RPS6KA2: variants seen among roughly 807,000 people sequenced by gnomAD.
RPS6KA2 encodes the protein ribosomal protein S6 kinase alpha-2.
A neutral mutation model predicts 91.8 loss-of-function variants in RPS6KA2; 42 were observed. The ratio of observed to expected loss-of-function variants is 0.46; its 90% CI spans 0.36 to 0.59. The LOEUF (loss-of-function observed/expected upper bound fraction) is 0.59, where lower values mean the gene tolerates loss of function less well. Among genes scored for constraint, RPS6KA2 ranks in the 20% least tolerant of loss-of-function variants. The pLI is 0.00. For missense variants in RPS6KA2, 798 were observed against 978.5 expected (o/e 0.82, Z 2.46); for synonymous variants, 414 against 393.6 (o/e 1.05, Z -0.61).
Position 166,419,244 on chromosome 6 carries a change from G to A in RPS6KA2, c.1820+638C>T, listed in dbSNP as rs2128439709. On this transcript the variant is annotated intron_variant, in intron 18 of 20. Coordinates refer to ENST00000265678, the MANE Select transcript of RPS6KA2 (RefSeq NM_021135.6). The surrounding 1 kb of genome is among the most constrained non-coding windows in gnomAD (Gnocchi z 5.6). ...ATTCAAGTATTTAATAAACGTAATA[G>A]GAACCAGCGGATCTTGTAAGATCCT... Among the ~76,000 whole-genome samples the A allele has an allele frequency of 6.6e-6, 1 of 152,312 alleles. No homozygotes were observed. Among genetic ancestry groups the A allele is most frequent in the Non-Finnish European group, 1.5e-5 (1 of 68,028 alleles).
At chr6:166,673,097 G>C (rs1425600301) in intron 2 of RPS6KA2, among the ~76,000 whole-genome samples, 1 of 152,072 alleles carries the variant, frequency 6.6e-6, no homozygotes, top group Non-Finnish European at 1.5e-5. Context: ...CACACTCACT[G>C]TAAAGGGAGA....
At chr6:166,678,563 C>T (rs772125242) in intron 2 of RPS6KA2, among the ~76,000 whole-genome samples, 21 of 152,342 alleles carry the variant, frequency 1.4e-4, no homozygotes, top group South Asian at 8.3e-4. Flanking sequence ...AATAAGGCTT[C>T]CACTCTGCAT....
At chr6:166,578,191 G>C (rs952693340) in intron 1 of RPS6KA2, among the ~76,000 whole-genome samples, 1 of 152,162 alleles carries the variant, frequency 6.6e-6, no homozygotes, top group African/African-American at 2.4e-5. Context: ...TTGGAACCCA[G>C]GTTTCCTGAC....
At chr6:166,728,449 G>A (rs948763229) in intron 2 of RPS6KA2, among the ~76,000 whole-genome samples, 6 of 152,128 alleles carry the variant, frequency 3.9e-5, no homozygotes, top group Non-Finnish European at 8.8e-5. Context: ...TCACCCATGG[G>A]TACATGACAA....
chr6:166,480,516 A>ATATATATATATAT (rs1781174515), intron 10 of RPS6KA2, among the ~76,000 whole-genome samples: 1 of 75,616 alleles, frequency 1.3e-5, no homozygotes, highest in Non-Finnish European at 2.4e-5. Flanking sequence ...TATATATATA[A>ATATATATATATAT]TATATTTTTT....
At chr6:166,629,029 C>A (rs1786996180), upstream of RPS6KA2, among the ~76,000 whole-genome samples, 1 of 152,244 alleles carries the variant, frequency 6.6e-6, no homozygotes, top group South Asian at 2.1e-4. Context: ...GTAATCTGTG[C>A]TCTCAGAACC....
chr6:166,829,732 AC>A (rs1334231312), intron 2 of RPS6KA2, among the ~76,000 whole-genome samples: 4 of 152,170 alleles, frequency 2.6e-5, no homozygotes, highest in African/African-American at 9.7e-5. Flanking sequence ...GATGGAAGCA[AC>A]CCAATGGTCC....
chr6:166,605,103 T>C (rs1331004702), intron 1 of RPS6KA2, among the ~76,000 whole-genome samples: 2 of 152,168 alleles, frequency 1.3e-5, no homozygotes, highest in South Asian at 2.1e-4. Context: ...CTCCTAGAAC[T>C]GCCTCCAACC....
At chr6:166,636,097 G>A (rs553450965) in intron 2 of RPS6KA2, among the ~76,000 whole-genome samples, 17 of 152,236 alleles carry the variant, frequency 1.1e-4, no homozygotes, top group Admixed American at 5.9e-4. Context: ...AAGACCCTGG[G>A]TCTCACCACC....
At chr6:166,778,949 A>G (rs1265728312) in intron 2 of RPS6KA2, among the ~76,000 whole-genome samples, 3 of 152,214 alleles carry the variant, frequency 2.0e-5, no homozygotes, top group Non-Finnish European at 2.9e-5. Flanking sequence ...TACACCCAGC[A>G]TTCAGCTGCT....
intron 2 of RPS6KA2, among the ~76,000 whole-genome samples, chr6:166,832,741 T>C (rs1259058777): frequency 5.9e-5 from 9 of 152,224 alleles, no homozygotes; most frequent in Admixed American, 5.9e-4. Context: ...TAATTTGATC[T>C]AACTGGGGAA....
At chr6:166,449,771 C>G (rs963718633) in intron 13 of RPS6KA2, among the ~76,000 whole-genome samples, 1 of 152,002 alleles carries the variant, frequency 6.6e-6, no homozygotes, top group Non-Finnish European at 1.5e-5. Context: ...ACCACGGAGA[C>G]CATTACAGGG....
chr6:166,506,530 G>A (rs1782231460), intron 5 of RPS6KA2, among the ~76,000 whole-genome samples: 1 of 152,180 alleles, frequency 6.6e-6, no homozygotes, highest in Non-Finnish European at 1.5e-5. Context: ...GCAAAGGAAG[G>A]GGCCAGACGC....
At chr6:166,506,250 C>T (rs1303990342) in intron 5 of RPS6KA2, among the ~76,000 whole-genome samples, 3 of 152,230 alleles carry the variant, frequency 2.0e-5, no homozygotes, top group Admixed American at 2.0e-4. Context: ...CCGCCCTGGA[C>T]AACTTCCCTC....
intron 2 of RPS6KA2, among the ~76,000 whole-genome samples, chr6:166,791,775 T>C (rs559700369): frequency 6.6e-6 from 1 of 151,464 alleles, no homozygotes; most frequent in Admixed American, 6.5e-5. Flanking sequence ...ACTGGGTACA[T>C]AACGAAATGA....
intron 1 of RPS6KA2, chr6:166,862,061 C>T: frequency 6.2e-7 from 1 of 1,613,130 alleles, no homozygotes; most frequent in Non-Finnish European, 8.5e-7. Context: ...CTGCAGAGTT[C>T]GGATTCTTGA....
At chr6:166,650,348 A>G (rs1314124923) in intron 2 of RPS6KA2, among the ~76,000 whole-genome samples, 1 of 151,916 alleles carries the variant, frequency 6.6e-6, no homozygotes, top group Non-Finnish European at 1.5e-5. Context: ...GAACTGGGGT[A>G]GCAAGAAGAG....
intron 2 of RPS6KA2, among the ~76,000 whole-genome samples, chr6:166,764,593 G>C (rs532222142): frequency 6.6e-6 from 1 of 152,134 alleles, no homozygotes; most frequent in South Asian, 2.1e-4. Context: ...CAAGGAGCAG[G>C]GGGTTGGGAA....
At chr6:166,700,521 TG>T (rs377483860) in intron 2 of RPS6KA2, among the ~76,000 whole-genome samples, 148 of 152,340 alleles carry the variant, frequency 9.7e-4, no homozygotes, top group African/African-American at 3.0e-3. Flanking sequence ...TGCTTTTCAT[TG>T]TATTACTGAA....
Sources: allele counts gnomAD v4.1 joint callset (sites outside exome capture counted in the v4.1 genomes callset), GRCh38; gene constraint gnomAD v4.1.1; non-coding constraint Gnocchi (gnomAD v3.1); transcripts MANE v1.5; gene names NCBI Gene and HGNC (gene_info 2026-07-23, HGNC 2026-07-21).